FANCD2: variants seen among roughly 807,000 people sequenced by gnomAD.
The protein encoded by FANCD2 is Fanconi anemia group D2 protein.
FANCD2 carries 131 observed loss-of-function variants against 192.3 expected under a neutral mutation model. That is an observed-to-expected ratio of 0.68 (90% confidence interval 0.59 to 0.79). FANCD2 has a LOEUF of 0.79. FANCD2 is among the 30% of genes least tolerant of loss of function. The pLI is 0.00. For synonymous variants in FANCD2, 524 were observed against 612.5 expected, an observed-to-expected ratio of 0.86 and a Z score of 2.13; for missense variants, 1,508 against 1,701.6, an observed-to-expected ratio of 0.89 and a Z score of 2.00.
intron 36 of FANCD2, 151 bp from the exon 37 acceptor site, chr3:10,090,141 C>A: frequency 1.5e-6 from 1 of 654,504 alleles, no homozygotes; most frequent in Non-Finnish European, 2.8e-6. Context: ...ATTACTGAGT[C>A]CTTTCCGCTC....
chr3:10,036,082 A>ATTTTTTTTTTTTTTTTTTT (rs781686867), intron 6 of FANCD2, among the ~76,000 whole-genome samples: 8 of 103,892 alleles, frequency 7.7e-5, no homozygotes, highest in African/African-American at 3.2e-4. Context: ...AGAATTATAC[A>ATTTTTTTTTTTTTTTTTTT]TTTCTTTTTT....
chr3:10,062,212 G>A lies in FANCD2; in HGVS notation c.1827+1G>A, dbSNP rs761074497. On this transcript the variant is annotated splice_donor_variant, in intron 20 of 43. Transcript: ENST00000675286. LOFTEE classifies it high-confidence loss of function. ...CCTGAGCGATGAGCAGTGCACACAG[G>A]TGAGTTCTTTTTTTCCTTTCTTTCT... 2 of 1,611,986 alleles carry A rather than the reference G, an allele frequency of 1.2e-6. No homozygotes were observed. The highest frequency in any genetic ancestry group is 1.3e-5 in the African/African-American group (1 of 74,800).
At chr3:10,086,079 T>G (rs1694182337) in intron 33 of FANCD2, among the ~76,000 whole-genome samples, 157 bp downstream of exon 33, 1 of 152,244 alleles carries the variant, frequency 6.6e-6, no homozygotes. Flanking sequence ...ATCTATGTAT[T>G]CTGATAAATC....
chr3:10,089,020 C>T (rs1694414180), intron 36 of FANCD2, 70 bp downstream of exon 36: 4 of 1,549,132 alleles, frequency 2.6e-6, no homozygotes, highest in Non-Finnish European at 2.7e-6. Context: ...CGGTGGCACA[C>T]ACCTGTAATC....
intron 29 of FANCD2, among the ~76,000 whole-genome samples, chr3:10,077,361 G>A (rs1038223814): frequency 2.6e-5 from 4 of 152,188 alleles, no homozygotes; most frequent in Non-Finnish European, 2.9e-5. Context: ...TTTGAGACTA[G>A]CCTGGCCAAC....
intron 14 of FANCD2, among the ~76,000 whole-genome samples, chr3:10,045,951 A>G (rs1473293521): frequency 2.6e-5 from 4 of 151,828 alleles, no homozygotes; most frequent in Non-Finnish European, 4.4e-5. Flanking sequence ...GGCAACAAAT[A>G]CACGCTGGAG....
intron 20 of FANCD2, 36 bp downstream of exon 20, chr3:10,062,247 CTTTTT>C: frequency 7.5e-7 from 1 of 1,340,376 alleles, no homozygotes; most frequent in Non-Finnish European, 1.0e-6. Flanking sequence ...TTTTTCCTGT[CTTTTT>C]TTTTTTTTTA....
chr3:10,063,493 G>T (rs565618776), intron 20 of FANCD2, among the ~76,000 whole-genome samples: 1 of 152,318 alleles, frequency 6.6e-6, no homozygotes, highest in Admixed American at 6.5e-5. Flanking sequence ...TGCATGTAAA[G>T]CAATACATTT....
chr3:10,078,649 C>T lies in FANCD2; in HGVS notation c.2976+452C>T, dbSNP rs141930398. 3.2e-3 allele frequency among the ~76,000 whole-genome samples: 487 copies of T among 151,158 alleles called. 13 individuals are homozygous for T. In the East Asian group the frequency reaches 0.057, roughly 18 times the overall value. ...GATTACGGGCATGAGCCACCGCGCC[C>T]GGCCTCATCTTGCTTTAAATAGGAA... On this transcript the variant is annotated intron_variant, in intron 30 of 43. Coordinates refer to ENST00000675286, the MANE Select transcript of FANCD2 (RefSeq NM_001018115.3).
intron 42 of FANCD2, among the ~76,000 whole-genome samples, chr3:10,097,339 T>C (rs943861371): frequency 6.6e-6 from 1 of 152,178 alleles, no homozygotes; most frequent in African/African-American, 2.4e-5. Context: ...CTGGGAGCGC[T>C]ATAGGAGACT....
chr3:10,053,968 TGGG>T (rs1307115466), intron 18 of FANCD2, among the ~76,000 whole-genome samples: 2 of 152,132 alleles, frequency 1.3e-5, no homozygotes, highest in Non-Finnish European at 2.9e-5. Context: ...CCCAGCACTT[TGGG>T]AGGCCAAGGC....
intron 22 of FANCD2, 23 bp from the exon 23 acceptor site, chr3:10,064,706 C>G (rs777577310): frequency 2.0e-5 from 32 of 1,613,582 alleles, no homozygotes; most frequent in Non-Finnish European, 2.3e-5. Flanking sequence ...GCTGCAACAT[C>G]AGATTCTGGT....
Position 10,046,575 on chromosome 3 carries a change from A to G in FANCD2, c.1135-5A>G. The G allele has an allele frequency of 6.2e-7, 1 of 1,614,210 alleles. No homozygotes were observed. On this transcript the variant is annotated splice_region_variant and splice_polypyrimidine_tract_variant and intron_variant, in intron 14 of 43. Coordinates refer to ENST00000675286, the MANE Select transcript of FANCD2 (RefSeq NM_001018115.3). ...TTTCTGTTGTTGCATATTTATTGAC[A>G]ATAGGTGTTTGACCTGGTGATGCTT...
chr3:10,081,881 G>T (rs6788609), intron 32 of FANCD2, among the ~76,000 whole-genome samples: 44 of 152,312 alleles, frequency 2.9e-4, no homozygotes, highest in African/African-American at 1.1e-3. Flanking sequence ...ACGGAAGGAA[G>T]TGGAAGGTAC....
rs1693363618 is a variant in FANCD2, at chr3:10,073,454, A to T, written c.2715+92A>T. ...TATTCTCGGCATTTTACAAAGAAAA[A>T]AAAATTAGGAAACAGCGAGCCAAAA... On this transcript the variant is annotated intron_variant, in intron 28 of 43. Coordinates refer to ENST00000675286, the MANE Select transcript of FANCD2 (RefSeq NM_001018115.3). 1.8e-5 allele frequency: 19 copies of T among 1,048,304 alleles called. No homozygotes were observed. The East Asian group carries it at 4.5e-4, about 25-fold the overall frequency. The allele number at this position is 1,048,304 out of a possible 1,614,324, so 64.9% of individuals were successfully genotyped here.
Position 10,096,413 on chromosome 3 carries a change from A to G in FANCD2, c.4126A>G (p.Thr1376Ala), listed in dbSNP as rs780789790. ...LLVCRVKAML[T>A]LNNCREAFWL... is the part of the protein sequence containing the mutation. ...AGTTTGCAGAGTCAAAGCTATGCTC[A>G]CTCTCAACAATTGTAGAGAGGCTTT... The change falls in exon 42 of 44, where the codon ACT (threonine) becomes GCT (alanine). Residue 1376 changes from threonine to alanine, a missense_variant. By Grantham distance (58) the Thr-to-Ala change is moderately conservative. This residue lies in a region of FANCD2 where 796 missense variants were observed against 879.4 expected (regional missense o/e 0.91). Coordinates refer to ENST00000675286, the MANE Select transcript of FANCD2 (RefSeq NM_001018115.3). 8.7e-6 allele frequency: 14 copies of G among 1,613,924 alleles called. No homozygotes were observed. Among genetic ancestry groups the G allele is most frequent in the Non-Finnish European group, 9.3e-6 (11 of 1,179,932 alleles).
At chr3:10,036,634 A>G (rs1340234635) in intron 7 of FANCD2, among the ~76,000 whole-genome samples, 1 of 152,116 alleles carries the variant, frequency 6.6e-6, no homozygotes, top group East Asian at 1.9e-4. Flanking sequence ...CAGGAATTCA[A>G]GACCAGCCTG....
Position 10,091,595 on chromosome 3 carries a change from A to G in FANCD2, c.3778-586A>G, listed in dbSNP as rs563366126. ...AGGCTGCCAAGATCCACAGTATCTC[A>G]AACAGGCTGGCTTACCTCATGCCAG... On this transcript the variant is annotated intron_variant, in intron 37 of 43. Coordinates refer to ENST00000675286, the MANE Select transcript of FANCD2 (RefSeq NM_001018115.3). 2.6e-5 allele frequency among the ~76,000 whole-genome samples: 4 copies of G among 152,108 alleles called. No individual in the cohort carries two copies. The East Asian group carries it at 7.7e-4, about 29-fold the overall frequency.
intron 35 of FANCD2, 138 bp from the exon 36 acceptor site, chr3:10,088,690 A>G (rs1471455439): frequency 2.7e-6 from 3 of 1,117,926 alleles, no homozygotes; most frequent in Non-Finnish European, 4.0e-6. Context: ...GAACATGTGG[A>G]TCTTAAGATC....
Sources: allele counts gnomAD v4.1 joint callset (sites outside exome capture counted in the v4.1 genomes callset), GRCh38; gene constraint gnomAD v4.1.1; regional missense constraint gnomAD v4.1.1; transcripts MANE v1.5; gene names NCBI Gene and HGNC (gene_info 2026-07-23, HGNC 2026-07-21).